MED12: variants seen among roughly 807,000 people sequenced by gnomAD.
The protein encoded by MED12 is mediator of RNA polymerase II transcription subunit 12.
In MED12, 10 loss-of-function variants were observed where a neutral mutation model predicts 177.7. The observed-to-expected ratio is 0.06, with a 90% CI of 0.03 to 0.10. The LOEUF is 0.10. MED12 is among the 10% of genes least tolerant of loss of function. The pLI, the probability that MED12 is intolerant of heterozygous loss-of-function variation, is 1.00. For missense variants in MED12, 867 were observed against 1,780.8 expected (o/e 0.49, Z 9.23); for synonymous variants, 641 against 678.4 (o/e 0.94, Z 0.86).
intron 21 of MED12, 86 bp downstream of exon 21, chrX:71,127,553 C>G: frequency 1.2e-6 from 1 of 867,270 alleles, no homozygotes; most frequent in Non-Finnish European, 1.7e-6. Flanking sequence ...GAGGATGGCC[C>G]GGGACCCTGC....
At chrX:71,124,078 T>C in intron 12 of MED12, 81 bp from the exon 13 acceptor site, 1 of 809,707 alleles carries the variant, frequency 1.2e-6, no homozygotes, top group East Asian at 3.2e-5. Context: ...ACTCTTATTA[T>C]TGCCTTAGGT....
At chrX:71,126,542 G>A (rs994966948) in intron 19 of MED12, 58 bp downstream of exon 19, 15 of 1,181,573 alleles carry the variant, frequency 1.3e-5, no homozygotes, top group Non-Finnish European at 1.6e-5. Flanking sequence ...TAGCGGCTAC[G>A]GAGGGTCATA....
chrX:71,139,827 A>G (rs1363616557), intron 41 of MED12, among the ~76,000 whole-genome samples: 1 of 109,713 alleles, frequency 9.1e-6, no homozygotes, highest in Admixed American at 9.7e-5. Flanking sequence ...TGAACCTGAG[A>G]GGTGGAGGTT....
intron 33 of MED12, 37 bp downstream of exon 33, chrX:71,133,249 A>G: frequency 9.9e-7 from 1 of 1,005,261 alleles, no homozygotes. Context: ...GGAAGAGGGT[A>G]GGGCTGGAAA....
chrX:71,130,389 C>T (rs956403181), intron 28 of MED12, among the ~76,000 whole-genome samples, 175 bp downstream of exon 28: 2 of 112,550 alleles, frequency 1.8e-5, no homozygotes, highest in Non-Finnish European at 1.9e-5. Flanking sequence ...GGAGTAAGTC[C>T]AGTAGGGTCT....
At chrX:71,140,971 G>A (rs1405110850) in intron 42 of MED12, 114 bp downstream of exon 42, 1 of 1,167,861 alleles carries the variant, frequency 8.6e-7, no homozygotes, top group African/African-American at 1.8e-5. Flanking sequence ...ACACCTAGCA[G>A]AGCGGCTGGC....
Position 71,119,841 on chromosome X carries a change from G to A in MED12, c.360G>A (p.Leu120=). The change falls in exon 3 of 45, where the codon TTG becomes TTA. Residue 120 remains leucine, a synonymous_variant. Coordinates refer to ENST00000374080, the MANE Select transcript of MED12 (RefSeq NM_005120.3). ...QSAINTWFTD[L]AGTKPLTQLA... is the part of the protein sequence containing the mutation. ...CCATTAACACTTGGTTCACTGACTT[G>A]GCTGGCACCAAGCCACTCACGCAAC... The A allele has an allele frequency of 3.3e-6, 4 of 1,211,368 alleles. No homozygotes were observed. Among genetic ancestry groups the A allele is most frequent in the Non-Finnish European group, 4.5e-6 (4 of 895,357 alleles).
At chrX:71,127,692 C>T (rs2092306786) in intron 21 of MED12, 1 of 480,909 alleles carries the variant, frequency 2.1e-6, no homozygotes, top group Non-Finnish European at 3.6e-6. Flanking sequence ...CCCTTTTCCT[C>T]ACTGCCTTCA....
At chrX:71,126,531 A>G in intron 19 of MED12, 47 bp downstream of exon 19, 1 of 1,198,426 alleles carries the variant, frequency 8.3e-7, no homozygotes, top group Non-Finnish European at 1.1e-6. Flanking sequence ...TTCATGCCAT[A>G]TAGCGGCTAC....
intron 1 of MED12, 23 bp downstream of exon 1, chrX:71,118,876 T>C (rs1347597622): frequency 2.6e-6 from 3 of 1,168,280 alleles, no homozygotes; most frequent in Non-Finnish European, 3.5e-6. Context: ...ATCGGGGCTC[T>C]GGAGGGGCCG....
chrX:71,132,228 A>T, intron 30 of MED12, 22 bp downstream of exon 30: 1 of 1,206,247 alleles, frequency 8.3e-7, no homozygotes, highest in Non-Finnish European at 1.1e-6. Context: ...ACATGTTAGG[A>T]CCCATCCCCT....
At chrX:71,140,549 C>A in intron 41 of MED12, 86 bp from the exon 42 acceptor site, 1 of 1,207,152 alleles carries the variant, frequency 8.3e-7, no homozygotes, top group Non-Finnish European at 1.1e-6. Flanking sequence ...GCTAACGTTT[C>A]TTTCAGGTCA....
intron 3 of MED12, 36 bp from the exon 4 acceptor site, chrX:71,119,978 A>C (rs1355572633): frequency 1.7e-6 from 2 of 1,209,378 alleles, no homozygotes; most frequent in Admixed American, 2.2e-5. Context: ...GCTCATGGGG[A>C]TAATAGAGAC....
chrX:71,123,393 A>G (rs1051187025), intron 11 of MED12, among the ~76,000 whole-genome samples, 167 bp downstream of exon 11: 14 of 111,431 alleles, frequency 1.3e-4, no homozygotes, highest in African/African-American at 4.2e-4. Flanking sequence ...AGGCGAAAGT[A>G]GAGAAGAGTG....
Position 71,137,961 on chromosome X carries a change from G to C in MED12, c.6044+18G>C. The stretch of plus-strand genomic sequence containing the variant: ...ACTCAAAGGTACCCAAAGTAGTGGT[G>C]AGCTAGGAAGAGATGCAGAGGTATA... On this transcript the variant is annotated intron_variant, in intron 41 of 44. Transcript: ENST00000374080. The C allele has an allele frequency of 8.4e-7, 1 of 1,191,086 alleles. No individual in the cohort carries two copies. The highest frequency in any genetic ancestry group is 1.1e-6 in the Non-Finnish European group (1 of 876,640).
intron 42 of MED12, 121 bp from the exon 43 acceptor site, chrX:71,141,109 A>G: frequency 5.3e-6 from 6 of 1,127,305 alleles, no homozygotes; most frequent in Non-Finnish European, 5.9e-6. Context: ...CTGTCTAAAA[A>G]GGGAAGGCAG....
At chrX:71,139,601 CAAG>C (rs1015678844) in intron 41 of MED12, among the ~76,000 whole-genome samples, 1 of 110,235 alleles carries the variant, frequency 9.1e-6, no homozygotes, top group Non-Finnish European at 1.9e-5. Flanking sequence ...CTGGAAGGTG[CAAG>C]AAGAAGACTT....
Position 71,129,187 on chromosome X carries a change from G to T in MED12, c.3549G>T (p.Pro1183=). Residue 1183 remains proline, a synonymous_variant, in exon 25 of 45, where the codon CCG becomes CCT. Transcript: ENST00000374080. ...CRILLHLFKT[P]QLNPCQSDGN... is the part of the protein sequence containing the mutation. Reference sequence around the variant, plus strand: ...TCCTCCTTCACCTTTTCAAGACACCGCAGCTCAATCCTTGCCAGTCTGATG... The same window carrying T: ...TCCTCCTTCACCTTTTCAAGACACCTCAGCTCAATCCTTGCCAGTCTGATG... 1 of 1,210,545 alleles carries T rather than the reference G, an allele frequency of 8.3e-7. No individual in the cohort carries two copies. Among genetic ancestry groups the T allele is most frequent in the South Asian group, 1.8e-5 (1 of 56,980 alleles).
intron 13 of MED12, 46 bp downstream of exon 13, chrX:71,124,434 C>A: frequency 9.7e-7 from 1 of 1,025,830 alleles, no homozygotes; most frequent in Non-Finnish European, 1.3e-6. Context: ...CTGACATTTC[C>A]ATCTTCATGG....
Sources: allele counts gnomAD v4.1 joint callset (sites outside exome capture counted in the v4.1 genomes callset), GRCh38; gene constraint gnomAD v4.1.1; transcripts MANE v1.5; gene names NCBI Gene and HGNC (gene_info 2026-07-23, HGNC 2026-07-21).